The following LCOR variants were observed in gnomAD, a reference collection of about 807,000 sequenced individuals.
LCOR encodes the protein ligand-dependent corepressor.
LCOR carries 14 observed loss-of-function variants against 64.4 expected under a neutral mutation model. That is an observed-to-expected ratio of 0.22 (90% CI 0.14 to 0.34). LCOR has a LOEUF of 0.34. Ranked by LOEUF, LCOR falls within the 10% of genes least tolerant of loss-of-function variation. The pLI is 1.00. For synonymous variants in LCOR, 643 were observed against 642.5 expected, an observed-to-expected ratio of 1.00 and a Z score of -0.01; for missense variants, 1,686 against 1,765.3, an observed-to-expected ratio of 0.96 and a Z score of 0.80.
intron 6 of LCOR, 114 bp from the exon 7 acceptor site, chr10:96,951,989 G>A (rs1480937415): frequency 1.1e-5 from 7 of 654,212 alleles, no homozygotes; most frequent in Admixed American, 2.9e-5. Flanking sequence ...TATATGACTA[G>A]CATATCTGCT....
intron 2 of LCOR, among the ~76,000 whole-genome samples, chr10:96,882,249 T>C (rs532490540): frequency 3.3e-5 from 5 of 152,236 alleles, no homozygotes; most frequent in Non-Finnish European, 7.3e-5. Context: ...ACTGAATTCT[T>C]ACATCTGCTT....
rs868647529 is a variant in LCOR at position 96,965,617 on chromosome 10, G to A, written c.332+13421G>A. Among the ~76,000 whole-genome samples, 6 of 141,338 alleles carry A rather than the reference G, an allele frequency of 4.2e-5. No homozygotes were observed. In the South Asian group the frequency reaches 9.1e-4, roughly 21 times the overall value. 92.7% of individuals were successfully genotyped at this position (141,338 alleles called of 152,430 possible). On this transcript the variant is annotated intron_variant, in intron 7 of 7. Transcript: ENST00000421806. ...GCAGAGCTTGCAGTGAGCTGAGATC[G>A]CGCCACTGCACTCCAGCCTGGGCGA... is the stretch of plus-strand genomic sequence containing the variant.
chr10:96,837,014 C>T (rs914813348), intron 2 of LCOR, among the ~76,000 whole-genome samples: 3 of 145,136 alleles, frequency 2.1e-5, no homozygotes, highest in Non-Finnish European at 3.0e-5. Context: ...TTTTTTGAGA[C>T]GGAGTCTCGC....
chr10:96,853,008 T>G (rs140100384), intron 2 of LCOR, among the ~76,000 whole-genome samples: 1 of 152,234 alleles, frequency 6.6e-6, no homozygotes. Context: ...AGTAAATTTG[T>G]AATGATAATA....
intron 2 of LCOR, among the ~76,000 whole-genome samples, chr10:96,901,195 T>A (rs554534417): frequency 2.1e-4 from 32 of 151,670 alleles, no homozygotes; most frequent in African/African-American, 5.1e-4. Context: ...AAAAAAAAAA[T>A]AATAAAATAA....
At chr10:96,881,462 GTTT>G (rs59154370) in intron 2 of LCOR, among the ~76,000 whole-genome samples, 15 of 145,420 alleles carry the variant, frequency 1.0e-4, no homozygotes, top group Non-Finnish European at 2.1e-4. Context: ...GTTGTTTTTT[GTTT>G]TTTTTTTTGA....
intron 7 of LCOR, among the ~76,000 whole-genome samples, chr10:96,964,796 A>G (rs1847931338): frequency 6.6e-6 from 1 of 152,130 alleles, no homozygotes; most frequent in Admixed American, 6.5e-5. Flanking sequence ...AGTTTTTTAT[A>G]ATTTTCTTAA....
intron 4 of LCOR, among the ~76,000 whole-genome samples, chr10:96,910,105 T>C (rs944409064): frequency 6.6e-6 from 1 of 152,160 alleles, no homozygotes; most frequent in African/African-American, 2.4e-5. Context: ...AGAGACAGGG[T>C]ATCACTGTGT....
chr10:96,847,523 T>A (rs4919056), intron 2 of LCOR, among the ~76,000 whole-genome samples: 53,403 of 151,894 alleles, frequency 0.35, 13,371 homozygotes, highest in African/African-American at 0.7. Flanking sequence ...GCTCACCGCA[T>A]CCTCCGCCTC....
At chr10:96,847,923 C>T (rs1564601400) in intron 2 of LCOR, among the ~76,000 whole-genome samples, 1 of 152,082 alleles carries the variant, frequency 6.6e-6, no homozygotes, top group Admixed American at 6.6e-5. Context: ...GCCTTTTTTC[C>T]CCCCTTTTCC....
At chr10:96,873,571 CGTGTGTGTGTGT>C (rs55893181) in intron 2 of LCOR, among the ~76,000 whole-genome samples, 20,400 of 126,378 alleles carry the variant, frequency 0.16, 2,051 homozygotes, top group African/African-American at 0.3. Context: ...CACACACACA[CGTGTGTGTGTGT>C]GTGTGTGTGT....
rs1270490519 is a variant in LCOR, at chr10:96,941,065, C to A, written c.-183-3048C>A. Among the ~76,000 whole-genome samples, 19 of 89,318 alleles carry A rather than the reference C, an allele frequency of 2.1e-4. 1 individual carries two copies. The highest frequency in any genetic ancestry group is 9.8e-4 in the African/African-American group (19 of 19,402). 58.6% of individuals were successfully genotyped at this position (89,318 alleles called of 152,430 possible). A position where few individuals can be genotyped will look rare whatever the true frequency, so the allele number is the denominator to read the frequency against. On this transcript the variant is annotated intron_variant, in intron 4 of 7. Coordinates refer to ENST00000421806, the MANE Select transcript of LCOR (RefSeq NM_001346516.2). ...TCCCGGACAGGGCGGCTGGCCGACC[C>A]CCCCCCCGCCTCCCTCCCGGACGGG... is the stretch of plus-strand genomic sequence containing the variant.
In LCOR at chr10:96,919,364, A is replaced by T. The variant is rs1847009229; in HGVS notation, c.-184+11617A>T. On this transcript the variant is annotated intron_variant, in intron 4 of 7. Coordinates refer to ENST00000421806, the MANE Select transcript of LCOR (RefSeq NM_001346516.2). ...TTATGAACTGGTATTTGCACATTAGACTTTCTTTGTTCTTTCCCCTCAATT... is the reference window on the plus strand; with the variant it reads ...TTATGAACTGGTATTTGCACATTAGTCTTTCTTTGTTCTTTCCCCTCAATT... Among the ~76,000 whole-genome samples the T allele has an allele frequency of 2.0e-5, 3 of 151,596 alleles. No homozygotes were observed. The South Asian group carries it at 6.3e-4, about 32-fold the overall frequency.
At chr10:96,850,593 C>G (rs1845707882) in intron 2 of LCOR, among the ~76,000 whole-genome samples, 1 of 151,988 alleles carries the variant, frequency 6.6e-6, no homozygotes, top group African/African-American at 2.4e-5. Flanking sequence ...CTCAAGTGAT[C>G]CTCTCACCTC....
rs1442628513 is a variant in LCOR at position 96,987,133 on chromosome 10, G to A, written c.*1999G>A. The A allele has an allele frequency of 6.6e-6, 1 of 152,152 alleles. No individual in the cohort carries two copies. The highest frequency in any genetic ancestry group is 2.4e-5 in the African/African-American group (1 of 41,438). 9.4% of individuals were successfully genotyped at this position (152,152 alleles called of 1,614,324 possible). ...AGCTACCTACATTAATAAAACTGCTGAGTGTGTATGTTGGCAACCCTTTCT... is the reference window on the plus strand; with the variant it reads ...AGCTACCTACATTAATAAAACTGCTAAGTGTGTATGTTGGCAACCCTTTCT... On this transcript the variant is annotated 3_prime_UTR_variant, in exon 8 of 8. Transcript: ENST00000421806.
intron 2 of LCOR, among the ~76,000 whole-genome samples, chr10:96,875,333 A>C (rs569914931): frequency 4.6e-4 from 70 of 152,080 alleles, no homozygotes; most frequent in African/African-American, 1.7e-3. Context: ...GCAGTGGGCC[A>C]CTGTACTCCA....
At chr10:96,970,381 A>T (rs1049161594) in intron 7 of LCOR, among the ~76,000 whole-genome samples, 3 of 152,046 alleles carry the variant, frequency 2.0e-5, no homozygotes, top group African/African-American at 7.2e-5. Flanking sequence ...TGGGCTACAG[A>T]CTGAGACGCC....
intron 2 of LCOR, among the ~76,000 whole-genome samples, chr10:96,838,717 TC>T (rs1845489009): frequency 6.6e-6 from 1 of 152,278 alleles, no homozygotes; most frequent in Admixed American, 6.5e-5. Context: ...ATTTTGTTTA[TC>T]CGTTAATCAG....
At chr10:96,925,441 CTTAAT>C (rs1203908106) in intron 4 of LCOR, among the ~76,000 whole-genome samples, 1 of 152,046 alleles carries the variant, frequency 6.6e-6, no homozygotes, top group Non-Finnish European at 1.5e-5. Flanking sequence ...TAGAATTTCT[CTTAAT>C]TTAGGTTTTT....
Sources: allele counts gnomAD v4.1 joint callset (sites outside exome capture counted in the v4.1 genomes callset), GRCh38; gene constraint gnomAD v4.1.1; transcripts MANE v1.5; gene names NCBI Gene and HGNC (gene_info 2026-07-23, HGNC 2026-07-21).